MACROD2: variants seen among roughly 807,000 people sequenced by gnomAD.
MACROD2 encodes the protein mono-ADP ribosylhydrolase 2.
MACROD2 carries 36 observed loss-of-function variants against 70.4 expected under a neutral mutation model. That is an observed-to-expected ratio of 0.51 (90% CI 0.39 to 0.68). The LOEUF is 0.68. Ranked by LOEUF, MACROD2 falls within the 30% of genes least tolerant of loss-of-function variation. The probability of loss-of-function intolerance (pLI) is 0.00; values close to 1 mark genes in which losing one functional copy is unlikely to be tolerated. For missense variants in MACROD2, 496 were observed against 538.4 expected (o/e 0.92, Z 0.78); for synonymous variants, 172 against 178.8 (o/e 0.96, Z 0.30).
chr20:15,198,916 A>G (rs888863218), intron 5 of MACROD2, among the ~76,000 whole-genome samples: 1 of 151,716 alleles, frequency 6.6e-6, no homozygotes, highest in African/African-American at 2.4e-5. Flanking sequence ...TAGATTGTTC[A>G]GTCTTTTCTA....
chr20:14,750,555 G>A (rs937720261), intron 5 of MACROD2, among the ~76,000 whole-genome samples: 6 of 152,014 alleles, frequency 3.9e-5, no homozygotes, highest in Admixed American at 3.9e-4. Context: ...TGCCTCCTGG[G>A]CGCAAGTGAT....
chr20:14,937,125 C>A (rs573631586), intron 5 of MACROD2, among the ~76,000 whole-genome samples: 1 of 151,816 alleles, frequency 6.6e-6, no homozygotes, highest in Non-Finnish European at 1.5e-5. Flanking sequence ...TGTGGGAGGT[C>A]AGGAGAGTGT....
At chr20:14,731,773 A>G (rs888599021) in intron 5 of MACROD2, among the ~76,000 whole-genome samples, 3 of 152,128 alleles carry the variant, frequency 2.0e-5, no homozygotes, top group African/African-American at 7.2e-5. Flanking sequence ...GGTGTTTTCC[A>G]GAGGGCTACA....
At chr20:15,186,064 G>T (rs185848587) in intron 5 of MACROD2, among the ~76,000 whole-genome samples, 1 of 152,100 alleles carries the variant, frequency 6.6e-6, no homozygotes, top group African/African-American at 2.4e-5. Context: ...AAAGACAATG[G>T]GGTCTTTGCC....
intron 15 of MACROD2, among the ~76,000 whole-genome samples, chr20:16,002,695 G>A (rs1383633149): frequency 6.6e-6 from 1 of 152,148 alleles, no homozygotes; most frequent in African/African-American, 2.4e-5. Context: ...CTGACACCTT[G>A]ACGCTAGCCT....
intron 3 of MACROD2, among the ~76,000 whole-genome samples, chr20:14,205,338 A>C (rs1301390945): frequency 6.6e-6 from 1 of 152,230 alleles, no homozygotes. Flanking sequence ...GCAAGTGGAC[A>C]TTGAAGAATG....
chr20:15,042,064 A>G (rs1333497955), intron 5 of MACROD2, among the ~76,000 whole-genome samples: 1 of 152,198 alleles, frequency 6.6e-6, no homozygotes, highest in African/African-American at 2.4e-5. Flanking sequence ...CCCAAGTCAT[A>G]AGAAATAAAC....
intron 5 of MACROD2, among the ~76,000 whole-genome samples, chr20:15,192,481 T>C (rs1036413497): frequency 2.0e-5 from 3 of 152,150 alleles, no homozygotes; most frequent in African/African-American, 7.2e-5. Flanking sequence ...CTAGAAGACA[T>C]AGGCAAAAAG....
At chr20:15,986,980 C>CT (rs1162284004) in intron 14 of MACROD2, 86 bp from the exon 15 acceptor site, 2 of 1,287,382 alleles carry the variant, frequency 1.6e-6, no homozygotes, top group African/African-American at 3.0e-5. Context: ...AAAAAGAACT[C>CT]TAACTTTCTA....
intron 4 of MACROD2, among the ~76,000 whole-genome samples, chr20:14,539,897 G>A (rs1267305905): frequency 2.0e-5 from 3 of 152,216 alleles, no homozygotes; most frequent in East Asian, 3.8e-4. Flanking sequence ...AGCATTAGAT[G>A]TAATGGCAGC....
At chr20:14,900,452 C>T (rs1040181895) in intron 5 of MACROD2, among the ~76,000 whole-genome samples, 2 of 152,040 alleles carry the variant, frequency 1.3e-5, no homozygotes, top group Non-Finnish European at 2.9e-5. Flanking sequence ...CTTTTCTTTG[C>T]AGGAAATATT....
chr20:14,164,171 G>A (rs1233550459), intron 3 of MACROD2, among the ~76,000 whole-genome samples: 1 of 152,068 alleles, frequency 6.6e-6, no homozygotes, highest in Non-Finnish European at 1.5e-5. Context: ...GATTCTGGGT[G>A]TGTGCAGTAG....
chr20:15,432,891 T>G (rs897425617), intron 7 of MACROD2, among the ~76,000 whole-genome samples: 2 of 150,774 alleles, frequency 1.3e-5, no homozygotes, highest in South Asian at 2.1e-4. Context: ...AGTAGGGGGG[T>G]GGTGGGAAAG....
At chr20:14,114,710 G>A (rs1016007849) in intron 3 of MACROD2, among the ~76,000 whole-genome samples, 7 of 152,054 alleles carry the variant, frequency 4.6e-5, no homozygotes, top group Non-Finnish European at 8.8e-5. Context: ...GGGACACGAC[G>A]GAATTTCTTA....
At chr20:15,752,840 C>A in intron 8 of MACROD2, among the ~76,000 whole-genome samples, 1 of 151,952 alleles carries the variant, frequency 6.6e-6, no homozygotes, top group East Asian at 1.9e-4. Context: ...ACATTGGACC[C>A]TTCCAATGTG....
intron 1 of MACROD2, among the ~76,000 whole-genome samples, chr20:14,001,926 C>T (rs2052737976): frequency 6.6e-6 from 1 of 152,196 alleles, no homozygotes; most frequent in East Asian, 1.9e-4. Flanking sequence ...CACCATGTCA[C>T]ACATTGGGGA....
At chr20:14,899,926 G>C (rs1275681894) in intron 5 of MACROD2, among the ~76,000 whole-genome samples, 16 of 152,090 alleles carry the variant, frequency 1.1e-4, no homozygotes. Context: ...TGATTTCTTT[G>C]AGGAAACTTA....
intron 8 of MACROD2, among the ~76,000 whole-genome samples, chr20:15,737,967 G>T (rs1197134873): frequency 6.6e-6 from 1 of 152,010 alleles, no homozygotes; most frequent in African/African-American, 2.4e-5. Flanking sequence ...TAGACAGACA[G>T]GTAAATATAT....
At chr20:14,256,495 A>T (rs558447256) in intron 3 of MACROD2, among the ~76,000 whole-genome samples, 1 of 152,252 alleles carries the variant, frequency 6.6e-6, no homozygotes, top group Non-Finnish European at 1.5e-5. Context: ...AGGCTCTGAA[A>T]CATGTTATAT....
Sources: allele counts gnomAD v4.1 joint callset (sites outside exome capture counted in the v4.1 genomes callset), GRCh38; gene constraint gnomAD v4.1.1; transcripts MANE v1.5; gene names NCBI Gene and HGNC (gene_info 2026-07-23, HGNC 2026-07-21).